Variants in ATN1 observed in about 807,000 individuals in gnomAD.
ATN1 encodes atrophin-1.
In ATN1, 19 loss-of-function variants were observed where a neutral mutation model predicts 85.8. The ratio of observed to expected loss-of-function variants is 0.22; its 90% CI spans 0.15 to 0.32. ATN1 has a LOEUF of 0.32. Among genes scored for constraint, ATN1 ranks in the 10% least tolerant of loss-of-function variants. The probability of loss-of-function intolerance (pLI) is 1.00; values close to 1 mark genes in which losing one functional copy is unlikely to be tolerated. For synonymous variants in ATN1, 674 were observed against 657.0 expected, an observed-to-expected ratio of 1.03 and a Z score of -0.39; for missense variants, 1,453 against 1,564.5, an observed-to-expected ratio of 0.93 and a Z score of 1.20.
rs1555143956 is a variant in ATN1, at chr12:6,937,359, C to T, written c.2092C>T (p.Pro698Ser). 6.4e-7 allele frequency: 1 copy of T among 1,551,968 alleles called. No individual in the cohort carries two copies. The highest frequency in any genetic ancestry group is 1.2e-5 in the South Asian group (1 of 85,362). The change falls in exon 5 of 10, where the codon CCA becomes TCA. Residue 698 changes from proline to serine, a missense_variant. Around this residue, in one of 6 missense-constraint regions of ATN1, gnomAD observed 990 missense variants for 914.8 expected, o/e 1.08. Coordinates refer to ENST00000396684, the MANE Select transcript of ATN1 (RefSeq NM_001940.4). This position sits in a 1 kb window ranked among gnomAD's most constrained non-coding sequence, Gnocchi z 6.0. ...GSPTVGPGPL[P>S]PAGPSGLPSL... Reference sequence around the variant, plus strand: ...GCCCACCGTGGGACCTGGGCCCCTGCCACCTGCGGGGCCCTCAGGCCTGCC... The same window carrying T: ...GCCCACCGTGGGACCTGGGCCCCTGTCACCTGCGGGGCCCTCAGGCCTGCC...
chr12:6,938,009 A>C lies in ATN1; in HGVS notation c.2459A>C (p.Glu820Ala), dbSNP rs1555144126. ...RAREEKEREREREREKERERE... is the reference protein window; with the variant it reads ...RAREEKERERAREREKERERE... ...CGCGAAGAAAAGGAGCGCGAGCGCG[A>C]GCGGGAACGCGAGAAAGAGCGCGAG... Residue 820 changes from glutamate to alanine, a missense_variant, in exon 6 of 10, where the codon GAG becomes GCG. Coordinates refer to ENST00000396684, the MANE Select transcript of ATN1 (RefSeq NM_001940.4). 1.9e-6 allele frequency: 3 copies of C among 1,542,206 alleles called. No individual in the cohort carries two copies. Among genetic ancestry groups the C allele is most frequent in the Non-Finnish European group, 2.6e-6 (3 of 1,142,084 alleles).
rs1555144845 is a variant in ATN1, at chr12:6,942,136, T to C, written c.*356T>C. On this transcript the variant is annotated 3_prime_UTR_variant, in exon 10 of 10. Transcript: ENST00000396684. ...ATTTCATCTGTTAGATGTGGCTGTT[T>C]TGCGTAGCATCGTGTGCCACCCCTG... is the stretch of plus-strand genomic sequence containing the variant. 1 of 337,482 alleles carries C rather than the reference T, an allele frequency of 3.0e-6. No homozygotes were observed. Among genetic ancestry groups the C allele is most frequent in the South Asian group, 3.7e-5 (1 of 27,276 alleles). 20.9% of individuals were successfully genotyped at this position (337,482 alleles called of 1,614,324 possible).
At position 6,937,901 on chromosome 12, in the gene ATN1, T is replaced by A. The variant is rs1459572951; in HGVS notation, c.2351T>A (p.Phe784Tyr). 8 of 1,597,330 alleles carry A rather than the reference T, an allele frequency of 5.0e-6. No individual in the cohort carries two copies. Among genetic ancestry groups the A allele is most frequent in the South Asian group, 1.1e-5 (1 of 88,724 alleles). Residue 784 changes from phenylalanine to tyrosine, a missense_variant, in exon 6 of 10, where the codon TTC (phenylalanine) becomes TAC (tyrosine). Around this residue, in one of 6 missense-constraint regions of ATN1, gnomAD observed 990 missense variants for 914.8 expected, o/e 1.08. Coordinates refer to ENST00000396684, the MANE Select transcript of ATN1 (RefSeq NM_001940.4). This position sits in a 1 kb window ranked among gnomAD's most constrained non-coding sequence, Gnocchi z 6.0. ...TCGTGCGCGCGCAGCGACCTGTACTTCGTGCCACTGGAGGGCTCCAAGCTG... is the reference window on the plus strand; with the variant it reads ...TCGTGCGCGCGCAGCGACCTGTACTACGTGCCACTGGAGGGCTCCAAGCTG... ...FNSCARSDLY[F>Y]VPLEGSKLAK...
rs782426904 is a variant in ATN1 at position 6,936,443 on chromosome 12, CTCTTCCTCT to C, written c.1177_1185del (p.Ser393_Ser395del). On this transcript the variant is annotated inframe_deletion, in exon 5 of 10. Transcript: ENST00000396684. ...CAGCCTCCTCTTCCAGTTCTTCCTC[CTCTTCCTCT>C]GCCTCCCCCTTCCCAGCTTCCCAGG... 6.2e-7 allele frequency: 1 copy of C among 1,611,568 alleles called. No homozygotes were observed. The highest frequency in any genetic ancestry group is 1.1e-5 in the South Asian group (1 of 91,052).
Position 6,934,404 on chromosome 12 carries a change from G to A in ATN1, c.166-61G>A. The A allele has an allele frequency of 6.2e-7, 1 of 1,607,786 alleles. No individual in the cohort carries two copies. Among genetic ancestry groups the A allele is most frequent in the African/African-American group, 1.3e-5 (1 of 74,850 alleles). ...GTGGGGGAACTTCCTGTTTGGCAGAGGGTAACGGTGGAGCTCGGGAGGTAG... is the reference window on the plus strand; with the variant it reads ...GTGGGGGAACTTCCTGTTTGGCAGAAGGTAACGGTGGAGCTCGGGAGGTAG... On this transcript the variant is annotated intron_variant, in intron 3 of 9. Coordinates refer to ENST00000396684, the MANE Select transcript of ATN1 (RefSeq NM_001940.4). This position sits in a 1 kb window ranked among gnomAD's most constrained non-coding sequence, Gnocchi z 4.5.
chr12:6,937,406 G>A lies in ATN1; in HGVS notation c.2139G>A (p.Ala713=), dbSNP rs782446975. 24 of 1,548,076 alleles carry A rather than the reference G, an allele frequency of 1.6e-5. No homozygotes were observed. The highest frequency in any genetic ancestry group is 2.1e-5 in the Non-Finnish European group (24 of 1,147,642). The change falls in exon 5 of 10, where the codon GCG becomes GCA. Residue 713 remains alanine (A), a synonymous_variant. Transcript: ENST00000396684. This position sits in a 1 kb window ranked among gnomAD's most constrained non-coding sequence, Gnocchi z 6.0. ...SGLPSLPPPP[A]APASGPPLSA... is the part of the protein sequence containing the mutation. The stretch of plus-strand genomic sequence containing the variant: ...TGCCATCGCTGCCACCACCACCTGC[G>A]GCCCCTGCCTCAGGGCCGCCCCTGA...
At chr12:6,933,221 CTTTTTTT>C (rs782089414) in intron 1 of ATN1, among the ~76,000 whole-genome samples, 1 of 144,394 alleles carries the variant, frequency 6.9e-6, no homozygotes, top group Non-Finnish European at 1.5e-5. Context: ...TTTCTTTTTT[CTTTTTTT>C]TTTTTTGAGA....
chr12:6,935,870 C>G lies in ATN1; in HGVS notation c.603C>G (p.Pro201=), dbSNP rs371645176. 1.2e-4 allele frequency: 188 copies of G among 1,613,832 alleles called. 1 individual carries two copies. In the South Asian group the frequency reaches 1.9e-3, roughly 17 times the overall value. The part of the protein sequence containing the change: ...PTGYHAPMEP[P]TSRMFQAPPG... ...GATATCATGCTCCCATGGAGCCCCC[C>G]ACATCTCGAATGTTCCAGGCTCCTC... Residue 201 remains proline, a synonymous_variant, in exon 5 of 10, where the codon CCC becomes CCG. Transcript: ENST00000396684. The surrounding 1 kb of genome is among the most constrained non-coding windows in gnomAD (Gnocchi z 5.3).
At chr12:6,926,378 G>A (rs781956924), upstream of ATN1, among the ~76,000 whole-genome samples, 1 of 152,056 alleles carries the variant, frequency 6.6e-6, no homozygotes, top group Admixed American at 6.6e-5. Context: ...ACTCCTCCAA[G>A]CTGTATCCCT....
rs782740312 is a variant in ATN1 at position 6,936,851 on chromosome 12, C to G, written c.1584C>G (p.His528Gln). 1 of 1,613,926 alleles carries G rather than the reference C, an allele frequency of 6.2e-7. No homozygotes were observed. The highest frequency in any genetic ancestry group is 1.1e-5 in the South Asian group (1 of 91,088). The part of the protein sequence containing the change: ...PLEGGSSHHA[H>Q]PYAMSPSLGS... The stretch of plus-strand genomic sequence containing the variant: ...AGGGCGGTAGCTCCCACCACGCACA[C>G]CCTTACGCCATGTCTCCCTCCCTGG... Residue 528 changes from histidine (H) to glutamine (Q), a missense_variant, in exon 5 of 10, where the codon CAC becomes CAG. His to Gln is a conservative substitution (Grantham distance 24). Coordinates refer to ENST00000396684, the MANE Select transcript of ATN1 (RefSeq NM_001940.4).
In ATN1 at chr12:6,935,445, C is replaced by A; in HGVS notation, c.280-102C>A. 7.5e-7 allele frequency: 1 copy of A among 1,330,172 alleles called. No individual in the cohort carries two copies. Among genetic ancestry groups the A allele is most frequent in the East Asian group, 2.4e-5 (1 of 42,170 alleles). The allele number at this position is 1,330,172 out of a possible 1,614,324, so 82.4% of individuals were successfully genotyped here. The stretch of plus-strand genomic sequence containing the variant: ...CAAGAGTACTCACCACATCACAGTA[C>A]AACAGTGTGCTGTGAGGGGAAATGA... On this transcript the variant is annotated intron_variant, in intron 4 of 9. Coordinates refer to ENST00000396684, the MANE Select transcript of ATN1 (RefSeq NM_001940.4). The surrounding 1 kb of genome is among the most constrained non-coding windows in gnomAD (Gnocchi z 5.3).
chr12:6,931,667 T>G (rs1414876674), intron 1 of ATN1, among the ~76,000 whole-genome samples: 1 of 136,286 alleles, frequency 7.3e-6, no homozygotes, highest in Non-Finnish European at 1.5e-5. Flanking sequence ...TGAGCTGAGA[T>G]CATGCCATAG....
chr12:6,929,793 T>C (rs1555142904), intron 1 of ATN1, among the ~76,000 whole-genome samples: 1 of 152,270 alleles, frequency 6.6e-6, no homozygotes, highest in Non-Finnish European at 1.5e-5. Flanking sequence ...TACACCATCT[T>C]TTGGCAGTTG....
At chr12:6,929,182 G>A (rs904027766) in intron 1 of ATN1, among the ~76,000 whole-genome samples, 2 of 152,130 alleles carry the variant, frequency 1.3e-5, no homozygotes, top group African/African-American at 4.8e-5. Context: ...GGGGGAGTTG[G>A]GAAGAAAGGG....
Position 6,936,338 on chromosome 12 carries a change from C to T in ATN1, c.1071C>T (p.His357=). The change falls in exon 5 of 10, where the codon CAC becomes CAT. Residue 357 remains histidine, a synonymous_variant. Transcript: ENST00000396684. The part of the protein sequence containing the change: ...EKGPTLAPSP[H]SLPPASSSAP... ...GCCCAACTCTGGCTCCTTCACCCCA[C>T]TCTCTGCCTCCTGCTTCCTCTTCTG... 1 of 1,614,010 alleles carries T rather than the reference C, an allele frequency of 6.2e-7. No homozygotes were observed. The highest frequency in any genetic ancestry group is 8.5e-7 in the Non-Finnish European group (1 of 1,179,946).
Position 6,937,575 on chromosome 12 carries a change from TG to T in ATN1, c.2294+18del. On this transcript the variant is annotated intron_variant, in intron 5 of 9. Transcript: ENST00000396684. This position sits in a 1 kb window ranked among gnomAD's most constrained non-coding sequence, Gnocchi z 6.0. ...TCAGTCTGCCAGGTGAGCGGCCAGGTGGGGCGGAGGTGGGCCTGGAAAGGGG... is the reference window on the plus strand; with the variant it reads ...TCAGTCTGCCAGGTGAGCGGCCAGGTGGGCGGAGGTGGGCCTGGAAAGGGG... 6.8e-7 allele frequency: 1 copy of T among 1,480,834 alleles called. No homozygotes were observed. 91.7% of individuals were successfully genotyped at this position (1,480,834 alleles called of 1,614,324 possible). A position where few individuals can be genotyped will look rare whatever the true frequency, so the allele number is the denominator to read the frequency against.
At position 6,935,794 on chromosome 12, in the gene ATN1, C is replaced by T; in HGVS notation, c.527C>T (p.Pro176Leu). Residue 176 changes from proline (P) to leucine (L), a missense_variant, in exon 5 of 10, where the codon CCT (proline) becomes CTT (leucine). By Grantham distance (98) the Pro-to-Leu change is moderately conservative (BLOSUM62 -3). Coordinates refer to ENST00000396684, the MANE Select transcript of ATN1 (RefSeq NM_001940.4). This position sits in a 1 kb window ranked among gnomAD's most constrained non-coding sequence, Gnocchi z 5.3. ...PPSPQPPDST[P>L]RQPEASFEPH... Reference sequence around the variant, plus strand: ...TCCCCTCAACCGCCAGACAGCACCCCTCGACAGCCAGAGGCTAGCTTTGAA... The same window carrying T: ...TCCCCTCAACCGCCAGACAGCACCCTTCGACAGCCAGAGGCTAGCTTTGAA... 1.2e-6 allele frequency: 2 copies of T among 1,613,942 alleles called. No individual in the cohort carries two copies. The highest frequency in any genetic ancestry group is 1.7e-6 in the Non-Finnish European group (2 of 1,179,876).
chr12:6,930,871 C>G (rs782798892), intron 1 of ATN1, among the ~76,000 whole-genome samples: 1 of 152,154 alleles, frequency 6.6e-6, no homozygotes, highest in Non-Finnish European at 1.5e-5. Flanking sequence ...TAGTATGTGG[C>G]CAGATACAGA....
chr12:6,939,646 C>T (rs1318471908), intron 7 of ATN1, among the ~76,000 whole-genome samples: 1 of 152,128 alleles, frequency 6.6e-6, no homozygotes, highest in Non-Finnish European at 1.5e-5. Context: ...GGATTACAGG[C>T]GTGTGTCACC....
Sources: allele counts gnomAD v4.1 joint callset (sites outside exome capture counted in the v4.1 genomes callset), GRCh38; gene constraint gnomAD v4.1.1; regional missense constraint gnomAD v4.1.1; non-coding constraint Gnocchi (gnomAD v3.1); transcripts MANE v1.5; gene names NCBI Gene and HGNC (gene_info 2026-07-23, HGNC 2026-07-21).